Variants in FBXL17 observed in about 807,000 individuals in gnomAD.
FBXL17 encodes the protein F-box/LRR-repeat protein 17.
FBXL17 carries 22 observed loss-of-function variants against 66.2 expected under a neutral mutation model. The observed-to-expected ratio is 0.33, with a 90% confidence interval of 0.24 to 0.47. The LOEUF (loss-of-function observed/expected upper bound fraction) is 0.47, where lower values mean the gene tolerates loss of function less well. FBXL17 is among the 20% of genes least tolerant of loss of function. FBXL17 has a pLI of 1.00. For synonymous variants in FBXL17, 474 were observed against 400.5 expected (o/e 1.18, Z -2.19); for missense variants, 878 against 948.2 (o/e 0.93, Z 0.97).
Position 107,881,148 on chromosome 5 carries a change from T to G in FBXL17, c.1854A>C (p.Thr618=). ...ALIAIGRYSM[T]IETVDVGWCK... ...ACCATCCGACATCCACAGTCTCTAT[T>G]GTCATGCTGTATCGCCCAATGGCTA... is the stretch of plus-strand genomic sequence containing the variant. The change falls in exon 8 of 9, where the codon ACA becomes ACC. Residue 618 remains threonine (T), a synonymous_variant. Transcript: ENST00000542267. The G allele has an allele frequency of 1.2e-6, 2 of 1,612,814 alleles. No individual in the cohort carries two copies. Among genetic ancestry groups the G allele is most frequent in the East Asian group, 2.2e-5 (1 of 44,860 alleles).
chr5:108,278,721 C>A (rs1757583315), intron 4 of FBXL17, among the ~76,000 whole-genome samples: 1 of 152,212 alleles, frequency 6.6e-6, no homozygotes, highest in African/African-American at 2.4e-5. Flanking sequence ...CTAGGTTTGA[C>A]CCCACCCTCC....
chr5:107,936,066 C>T (rs961118898), intron 7 of FBXL17, among the ~76,000 whole-genome samples: 1 of 152,156 alleles, frequency 6.6e-6, no homozygotes, highest in Non-Finnish European at 1.5e-5. Context: ...AAATCAGCCA[C>T]TTTGCAGTAT....
At chr5:108,212,521 G>A (rs748989162) in intron 5 of FBXL17, among the ~76,000 whole-genome samples, 1 of 151,876 alleles carries the variant, frequency 6.6e-6, no homozygotes. Context: ...TCTTTGAGTC[G>A]ACATGCTCTT....
intron 6 of FBXL17, among the ~76,000 whole-genome samples, chr5:108,062,838 T>G (rs1335887306): frequency 6.6e-6 from 1 of 152,144 alleles, no homozygotes; most frequent in African/African-American, 2.4e-5. Flanking sequence ...GATAAAATTA[T>G]CAGATTTCCA....
chr5:108,299,705 G>A, intron 4 of FBXL17: 1 of 984,492 alleles, frequency 1.0e-6, no homozygotes, highest in Non-Finnish European at 1.2e-6. Flanking sequence ...TGCTTGTCCA[G>A]TAATGCCTGG....
At chr5:108,374,270 C>T (rs1749268162) in intron 1 of FBXL17, among the ~76,000 whole-genome samples, 3 of 152,294 alleles carry the variant, frequency 2.0e-5, no homozygotes, top group South Asian at 4.1e-4. Context: ...AAAACATTCT[C>T]AAAGACCAAA....
Position 108,381,227 on chromosome 5 carries a change from C to T in FBXL17, c.465G>A (p.Gln155=). 1.1e-5 allele frequency: 16 copies of T among 1,447,118 alleles called. No homozygotes were observed. The highest frequency in any genetic ancestry group is 1.4e-5 in the Non-Finnish European group (15 of 1,102,138). The allele number at this position is 1,447,118 out of a possible 1,614,324, so 89.6% of individuals were successfully genotyped here. ...AGCTGGCCAGGAAGAGACTTCGGCC[C>T]TGCTGCTCCCAGGCGGCGGCCGCAG... ...GLAAAAAWEQ[Q]GRSLFLASLG... is the part of the protein sequence containing the mutation. The change falls in exon 1 of 9, where the codon CAG becomes CAA. Residue 155 remains glutamine (Q), a synonymous_variant. Coordinates refer to ENST00000542267, the MANE Select transcript of FBXL17 (RefSeq NM_001163315.3).
At chr5:108,250,349 C>T (rs1373895676) in intron 4 of FBXL17, among the ~76,000 whole-genome samples, 2 of 152,112 alleles carry the variant, frequency 1.3e-5, no homozygotes, top group African/African-American at 4.8e-5. Context: ...ATGATTACCA[C>T]AGTTAATGAC....
At chr5:107,966,807 A>T (rs938167683) in intron 7 of FBXL17, among the ~76,000 whole-genome samples, 1 of 152,044 alleles carries the variant, frequency 6.6e-6, no homozygotes, top group African/African-American at 2.4e-5. Context: ...CATTATGAAC[A>T]TTTTTTTATT....
chr5:107,935,407 A>ATGTG (rs1180619112), intron 7 of FBXL17, among the ~76,000 whole-genome samples: 64 of 31,176 alleles, frequency 2.1e-3, no homozygotes, highest in African/African-American at 4.6e-3. Context: ...CTTTATATAT[A>ATGTG]TATATGTGTG....
At chr5:107,887,107 G>A (rs910140405) in intron 7 of FBXL17, among the ~76,000 whole-genome samples, 10 of 152,126 alleles carry the variant, frequency 6.6e-5, no homozygotes, top group African/African-American at 1.4e-4. Context: ...TTTGATAAGC[G>A]TATTGTGGTT....
At chr5:108,224,764 T>C (rs1755027020) in intron 4 of FBXL17, among the ~76,000 whole-genome samples, 1 of 151,408 alleles carries the variant, frequency 6.6e-6, no homozygotes, top group African/African-American at 2.4e-5. Context: ...ACTAGTTTTT[T>C]TGGTTTTTTT....
At position 107,986,443 on chromosome 5, in the gene FBXL17, A is replaced by C. The variant is rs952435658; in HGVS notation, c.1822+34482T>G. 2.6e-5 allele frequency among the ~76,000 whole-genome samples: 4 copies of C among 151,598 alleles called. No individual in the cohort carries two copies. In the South Asian group the frequency reaches 8.3e-4, roughly 32 times the overall value. ...GTTAGAACAACATAACACAAACCTA[A>C]CAGCAATTTATATTAATATATATTT... On this transcript the variant is annotated intron_variant, in intron 7 of 8. Coordinates refer to ENST00000542267, the MANE Select transcript of FBXL17 (RefSeq NM_001163315.3).
chr5:108,092,281 A>T (rs1303175944), intron 6 of FBXL17, among the ~76,000 whole-genome samples: 9 of 152,176 alleles, frequency 5.9e-5, no homozygotes, highest in Non-Finnish European at 8.8e-5. Context: ...CAGAAATTAG[A>T]GAGTGAGGCT....
chr5:108,065,121 G>C (rs1748069393), intron 6 of FBXL17, among the ~76,000 whole-genome samples: 1 of 152,002 alleles, frequency 6.6e-6, no homozygotes. Context: ...GGCAACGAGT[G>C]AATTTGCAAA....
chr5:108,378,090 T>C (rs1749570217), intron 1 of FBXL17, among the ~76,000 whole-genome samples: 2 of 152,170 alleles, frequency 1.3e-5, no homozygotes, highest in Admixed American at 1.3e-4. Context: ...AAGAAACTAT[T>C]ATATTAAAAT....
chr5:108,058,705 G>A (rs1388594780), intron 6 of FBXL17, among the ~76,000 whole-genome samples: 1 of 152,080 alleles, frequency 6.6e-6, no homozygotes, highest in Non-Finnish European at 1.5e-5. Flanking sequence ...GAATGAAACT[G>A]AAATGCAGGT....
intron 6 of FBXL17, among the ~76,000 whole-genome samples, chr5:108,081,606 C>T (rs1323399770): frequency 6.6e-6 from 1 of 152,020 alleles, no homozygotes; most frequent in South Asian, 2.1e-4. Context: ...GTCTGTAGTC[C>T]CAGCTACTCG....
At chr5:108,271,921 G>C (rs1757286323) in intron 4 of FBXL17, among the ~76,000 whole-genome samples, 2 of 152,170 alleles carry the variant, frequency 1.3e-5, no homozygotes. Flanking sequence ...CAGGGCAACA[G>C]GCCCTAAAAT....
Sources: gnomAD v4.1 joint callset for allele counts (sites outside exome capture counted in the v4.1 genomes callset) on GRCh38, gnomAD v4.1.1 for gene constraint, MANE v1.5 for transcripts, NCBI Gene and HGNC (gene_info 2026-07-23, HGNC 2026-07-21) for gene names.